ZNF676: variants seen among roughly 807,000 people sequenced by gnomAD.
The protein encoded by ZNF676 is zinc finger protein 676.
In ZNF676, 4 loss-of-function variants were observed where a neutral mutation model predicts 6.0. The observed-to-expected ratio is 0.67, with a 90% CI of 0.33 to 1.53. The LOEUF (loss-of-function observed/expected upper bound fraction) is 1.53. Among genes scored for constraint, ZNF676 ranks in the 40% most tolerant of loss-of-function variants. The probability of loss-of-function intolerance (pLI) is 0.06; values close to 1 mark genes in which losing one functional copy is unlikely to be tolerated. For missense variants in ZNF676, 644 were observed against 679.7 expected (o/e 0.95, Z 0.58); for synonymous variants, 198 against 223.1 (o/e 0.89, Z 1.00).
chr19:22,227,246 G>C, the ZNF676 span, among the ~76,000 whole-genome samples: 1 of 152,182 alleles, frequency 6.6e-6, no homozygotes, highest in Non-Finnish European at 1.5e-5. Flanking sequence ...AGAACAACAT[G>C]CTCCAGAATG....
intron 2 of ZNF676, among the ~76,000 whole-genome samples, chr19:22,185,456 A>G (rs562700329): frequency 4.6e-5 from 7 of 150,748 alleles, no homozygotes; most frequent in Non-Finnish European, 7.4e-5. Context: ...CAGAATGCCT[A>G]TTCTCCTCCA....
the ZNF676 span, among the ~76,000 whole-genome samples, chr19:22,239,591 A>G: frequency 6.6e-6 from 1 of 152,158 alleles, no homozygotes; most frequent in African/African-American, 2.4e-5. Flanking sequence ...TAAAGTCACA[A>G]TCTCACTTGC....
chr19:22,259,122 G>A, the ZNF676 span, among the ~76,000 whole-genome samples: 3 of 152,172 alleles, frequency 2.0e-5, no homozygotes, highest in Non-Finnish European at 4.4e-5. Context: ...GCCAGTAACA[G>A]GTAACAGGTA....
At chr19:22,226,092 T>G in the ZNF676 span, among the ~76,000 whole-genome samples, 5 of 152,046 alleles carry the variant, frequency 3.3e-5, no homozygotes. Context: ...TTATATAAAT[T>G]TTTTTGTCTA....
chr19:22,212,768 G>A (rs1223741417), intron 1 of ZNF676, among the ~76,000 whole-genome samples: 9 of 151,654 alleles, frequency 5.9e-5, no homozygotes, highest in Admixed American at 5.9e-4. Context: ...AGGCCAAGGT[G>A]GGTGGATCAC....
upstream of ZNF676, among the ~76,000 whole-genome samples, chr19:22,198,042 A>C (rs2023987780): frequency 1.3e-5 from 2 of 152,164 alleles, no homozygotes; most frequent in South Asian, 4.1e-4. Flanking sequence ...GGTATCTCCT[A>C]ACAATTTTTT....
At chr19:22,252,208 A>G in the ZNF676 span, among the ~76,000 whole-genome samples, 1 of 152,060 alleles carries the variant, frequency 6.6e-6, no homozygotes, top group East Asian at 1.9e-4. Context: ...CAGCTTGGCC[A>G]ACATGGTAAA....
the ZNF676 span, among the ~76,000 whole-genome samples, chr19:22,234,994 AAG>A: frequency 8.8e-6 from 1 of 114,178 alleles, no homozygotes; most frequent in Non-Finnish European, 1.8e-5. Flanking sequence ...GAAAGAAAGA[AAG>A]AAAGAAAGAA....
intron 1 of ZNF676, among the ~76,000 whole-genome samples, chr19:22,206,798 G>A (rs548310933): frequency 4.6e-5 from 7 of 151,956 alleles, no homozygotes; most frequent in Middle Eastern, 3.2e-3. Flanking sequence ...CAACATACAC[G>A]AATCAATAAA....
the ZNF676 span, among the ~76,000 whole-genome samples, chr19:22,241,943 G>T: frequency 6.2e-4 from 94 of 151,624 alleles, no homozygotes; most frequent in South Asian, 0.017. Context: ...AATAATTGGT[G>T]GGGTGTGCAC....
At chr19:22,236,652 C>T in the ZNF676 span, among the ~76,000 whole-genome samples, 1 of 152,116 alleles carries the variant, frequency 6.6e-6, no homozygotes, top group African/African-American at 2.4e-5. Flanking sequence ...TAAACTGGCT[C>T]AAGTCTGGAA....
chr19:22,190,491 A>C lies in ZNF676; in HGVS notation c.130+2525T>G, dbSNP rs188114173. Among the ~76,000 whole-genome samples, 21 of 151,674 alleles carry C rather than the reference A, an allele frequency of 1.4e-4. No homozygotes were observed. In the East Asian group the frequency reaches 3.3e-3, roughly 24 times the overall value. On this transcript the variant is annotated intron_variant, in intron 2 of 2. Coordinates refer to ENST00000397121, the MANE Select transcript of ZNF676 (RefSeq NM_001001411.3). Reference sequence around the variant, plus strand: ...AGAATCTCAAAAGACAATACCCAACAATCTTAAAATAATAATAATAATAAA... The same window carrying C: ...AGAATCTCAAAAGACAATACCCAACCATCTTAAAATAATAATAATAATAAA...
At chr19:22,223,646 C>T in the ZNF676 span, among the ~76,000 whole-genome samples, 16 of 150,940 alleles carry the variant, frequency 1.1e-4, no homozygotes, top group Middle Eastern at 3.5e-3. Context: ...CATGTTATGC[C>T]TGAAATAAAT....
the ZNF676 span, among the ~76,000 whole-genome samples, chr19:22,241,726 G>A: frequency 2.0e-5 from 3 of 151,902 alleles, no homozygotes; most frequent in Admixed American, 2.0e-4. Context: ...CTAAACCCAT[G>A]TATGAGAGTC....
intron 1 of ZNF676, among the ~76,000 whole-genome samples, chr19:22,206,957 G>A (rs1425616356): frequency 6.6e-6 from 1 of 152,132 alleles, no homozygotes; most frequent in Non-Finnish European, 1.5e-5. Context: ...AAAATAGTAA[G>A]TTATCTATGA....
At chr19:22,235,441 G>T in the ZNF676 span, among the ~76,000 whole-genome samples, 66,749 of 151,856 alleles carry the variant, frequency 0.44, 16,255 homozygotes, top group African/African-American at 0.67. Context: ...AACCCAAATA[G>T]GCCCACTAGA....
upstream of ZNF676, among the ~76,000 whole-genome samples, chr19:22,216,221 G>C (rs1390481148): frequency 1.3e-5 from 2 of 152,246 alleles, no homozygotes; most frequent in East Asian, 3.9e-4. Flanking sequence ...GATCACCGGA[G>C]GTCAGAAGTT....
intron 1 of ZNF676, among the ~76,000 whole-genome samples, chr19:22,213,034 G>A (rs929762782): frequency 6.6e-6 from 1 of 152,046 alleles, no homozygotes; most frequent in African/African-American, 2.4e-5. Context: ...GTCAAAATAA[G>A]TGAACAAATC....
At chr19:22,190,227 G>A (rs908269856) in intron 2 of ZNF676, among the ~76,000 whole-genome samples, 17 of 151,994 alleles carry the variant, frequency 1.1e-4, no homozygotes, top group Admixed American at 9.8e-4. Context: ...GCAGGGACAC[G>A]GATGAAGCTG....
Sources: allele counts gnomAD v4.1 joint callset (sites outside exome capture counted in the v4.1 genomes callset), GRCh38; gene constraint gnomAD v4.1.1; transcripts MANE v1.5; gene names NCBI Gene and HGNC (gene_info 2026-07-23, HGNC 2026-07-21).